The following PPARGC1A variants were observed in gnomAD, a reference collection of about 807,000 sequenced individuals.
The protein encoded by PPARGC1A is PPARG coactivator 1 alpha.
PPARGC1A carries 25 observed loss-of-function variants against 88.7 expected under a neutral mutation model. That is an observed-to-expected ratio of 0.28 (90% CI 0.21 to 0.39). The LOEUF (loss-of-function observed/expected upper bound fraction) is 0.39. Among genes scored for constraint, PPARGC1A ranks in the 10% least tolerant of loss-of-function variants. PPARGC1A has a pLI of 1.00. For missense variants in PPARGC1A, 880 were observed against 968.7 expected (o/e 0.91, Z 1.22); for synonymous variants, 363 against 355.6 (o/e 1.02, Z -0.24).
chr4:24,128,879 C>G, the PPARGC1A span, among the ~76,000 whole-genome samples: 2 of 152,042 alleles, frequency 1.3e-5, no homozygotes, highest in Non-Finnish European at 2.9e-5. Flanking sequence ...AAGTAGGACC[C>G]CCTCTAACAA....
At chr4:24,242,471 T>C in the PPARGC1A span, among the ~76,000 whole-genome samples, 1 of 152,172 alleles carries the variant, frequency 6.6e-6, no homozygotes, top group Admixed American at 6.5e-5. Flanking sequence ...GCTTGGAAGA[T>C]GCCCTCCCTT....
chr4:23,907,109 C>T (rs1314896410), upstream of PPARGC1A, among the ~76,000 whole-genome samples: 2 of 152,092 alleles, frequency 1.3e-5, no homozygotes, highest in East Asian at 3.9e-4. Context: ...GATATCTTTA[C>T]ACTTTCTGGA....
At chr4:23,831,409 A>G (rs1023671877) in intron 3 of PPARGC1A, 148 bp downstream of exon 3, 2 of 633,270 alleles carry the variant, frequency 3.2e-6, no homozygotes, top group African/African-American at 3.6e-5. Context: ...AGAGAATCAC[A>G]CAATTTGCAA....
the PPARGC1A span, among the ~76,000 whole-genome samples, chr4:24,447,381 G>A: frequency 2.0e-5 from 3 of 152,174 alleles, no homozygotes; most frequent in Non-Finnish European, 4.4e-5. Context: ...GAGACAATCA[G>A]GGAAGCTGAG....
the PPARGC1A span, among the ~76,000 whole-genome samples, chr4:24,098,957 T>C: frequency 6.6e-6 from 1 of 152,204 alleles, no homozygotes; most frequent in African/African-American, 2.4e-5. Flanking sequence ...CAATACATCA[T>C]CCTTCCCAAT....
At chr4:24,251,466 G>A in the PPARGC1A span, among the ~76,000 whole-genome samples, 2 of 152,052 alleles carry the variant, frequency 1.3e-5, no homozygotes, top group African/African-American at 4.8e-5. Context: ...CGCTTTTTCG[G>A]GGTACTCTTT....
the PPARGC1A span, among the ~76,000 whole-genome samples, chr4:24,238,999 T>C: frequency 6.6e-6 from 1 of 152,186 alleles, no homozygotes; most frequent in African/African-American, 2.4e-5. Context: ...ATATAAGCCA[T>C]TGCTATCTTT....
chr4:23,906,832 T>A (rs140308035), upstream of PPARGC1A, among the ~76,000 whole-genome samples: 2 of 152,170 alleles, frequency 1.3e-5, no homozygotes, highest in African/African-American at 4.8e-5. Flanking sequence ...CACTCAAAAC[T>A]CACTGTGGTG....
chr4:24,077,266 C>T, the PPARGC1A span, among the ~76,000 whole-genome samples: 1 of 152,094 alleles, frequency 6.6e-6, no homozygotes, highest in African/African-American at 2.4e-5. Context: ...TTTACTCTTT[C>T]GTTTTCAAGG....
chr4:23,844,747 T>TTATA (rs1398544997), intron 2 of PPARGC1A, among the ~76,000 whole-genome samples: 94 of 105,962 alleles, frequency 8.9e-4, no homozygotes, highest in Non-Finnish European at 1.1e-3. Context: ...TATATCATAA[T>TTATA]ATATGATATA....
At chr4:24,212,336 A>C in the PPARGC1A span, among the ~76,000 whole-genome samples, 89 of 152,332 alleles carry the variant, frequency 5.8e-4, 1 homozygote, top group Admixed American at 1.2e-3. Context: ...CTATTGAATA[A>C]TGTCATAATT....
the PPARGC1A span, among the ~76,000 whole-genome samples, chr4:24,466,335 G>A: frequency 6.6e-6 from 1 of 152,206 alleles, no homozygotes; most frequent in Non-Finnish European, 1.5e-5. Flanking sequence ...TGCCAAACTT[G>A]CCAGAAATGT....
chr4:24,311,811 A>G, the PPARGC1A span, among the ~76,000 whole-genome samples: 1 of 152,178 alleles, frequency 6.6e-6, no homozygotes, highest in Non-Finnish European at 1.5e-5. Flanking sequence ...ATGTGGAACA[A>G]TATCAGAAGT....
the PPARGC1A span, among the ~76,000 whole-genome samples, chr4:24,116,283 A>G: frequency 6.6e-6 from 1 of 152,182 alleles, no homozygotes; most frequent in Non-Finnish European, 1.5e-5. Flanking sequence ...GGCTCTAGGC[A>G]CTTGGAATTA....
the PPARGC1A span, among the ~76,000 whole-genome samples, chr4:24,287,202 G>A: frequency 7.8e-6 from 1 of 128,656 alleles, no homozygotes; most frequent in Non-Finnish European, 1.8e-5. Flanking sequence ...AGCCCCAGTT[G>A]TGACCAAAAA....
chr4:24,180,504 T>C, the PPARGC1A span, among the ~76,000 whole-genome samples: 1 of 152,234 alleles, frequency 6.6e-6, no homozygotes, highest in Non-Finnish European at 1.5e-5. Context: ...TCTTTACCTT[T>C]GGTTCTCAGC....
At chr4:24,409,038 C>T in the PPARGC1A span, among the ~76,000 whole-genome samples, 2 of 152,270 alleles carry the variant, frequency 1.3e-5, no homozygotes, top group East Asian at 1.9e-4. Flanking sequence ...AGCTTGCCCA[C>T]GTGCTGCTAA....
At chr4:24,089,331 G>A in the PPARGC1A span, among the ~76,000 whole-genome samples, 2 of 152,134 alleles carry the variant, frequency 1.3e-5, no homozygotes, top group East Asian at 1.9e-4. Context: ...CCAGCCTAGC[G>A]ATACAAATGA....
At chr4:24,084,769 C>A in the PPARGC1A span, among the ~76,000 whole-genome samples, 1 of 152,096 alleles carries the variant, frequency 6.6e-6, no homozygotes, top group Non-Finnish European at 1.5e-5. Flanking sequence ...GATGAATGAA[C>A]GTGTCCCACA....
Sources: gnomAD v4.1 joint callset for allele counts (sites outside exome capture counted in the v4.1 genomes callset) on GRCh38, gnomAD v4.1.1 for gene constraint, MANE v1.5 for transcripts, NCBI Gene and HGNC (gene_info 2026-07-23, HGNC 2026-07-21) for gene names.